GRM4: variants seen among roughly 807,000 people sequenced by gnomAD.
The protein encoded by GRM4 is metabotropic glutamate receptor 4.
In GRM4, 28 loss-of-function variants were observed where a neutral mutation model predicts 81.7. That is an observed-to-expected ratio of 0.34 (90% CI 0.25 to 0.47). GRM4 has a LOEUF of 0.47. Among genes scored for constraint, GRM4 ranks in the 20% least tolerant of loss-of-function variants. The probability of loss-of-function intolerance (pLI) is 1.00; values close to 1 mark genes in which losing one functional copy is unlikely to be tolerated. For missense variants in GRM4, 948 were observed against 1,290.0 expected, an observed-to-expected ratio of 0.73 and a Z score of 4.06; for synonymous variants, 488 against 528.8, an observed-to-expected ratio of 0.92 and a Z score of 1.06.
chr6:34,054,159 C>CTTTTTTTT (rs34586228), intron 6 of GRM4: 1 of 135,954 alleles, frequency 7.4e-6, no homozygotes, highest in Admixed American at 7.4e-5. Context: ...GCTCTGTGCT[C>CTTTTTTTT]TTTTTTTTTT....
chr6:34,143,089 A>C (rs982690208), intron 1 of GRM4, among the ~76,000 whole-genome samples: 3 of 152,178 alleles, frequency 2.0e-5, no homozygotes, highest in Non-Finnish European at 4.4e-5. Flanking sequence ...TAGTCCCTGA[A>C]GTGGCTAAGG....
At chr6:34,075,862 G>A (rs1767285146) in intron 3 of GRM4, among the ~76,000 whole-genome samples, 2 of 152,152 alleles carry the variant, frequency 1.3e-5, no homozygotes, top group African/African-American at 4.8e-5. Flanking sequence ...TAACCACCCC[G>A]TTTCCATGCT....
At position 34,036,665 on chromosome 6, in the gene GRM4, C is replaced by T; in HGVS notation, c.1507-62G>A. ...ATGCCACCCGGTGCCCCGGACCATC[C>T]TACTGGGTGGTGGCACCTTGTAGCC... is the stretch of plus-strand genomic sequence containing the variant. On this transcript the variant is annotated intron_variant, in intron 8 of 10. Transcript: ENST00000538487. The surrounding 1 kb of genome is among the most constrained non-coding windows in gnomAD (Gnocchi z 9.0). 1 of 940,526 alleles carries T rather than the reference C, an allele frequency of 1.1e-6. No homozygotes were observed. Among genetic ancestry groups the T allele is most frequent in the East Asian group, 2.5e-5 (1 of 40,710 alleles). 58.3% of individuals were successfully genotyped at this position (940,526 alleles called of 1,614,324 possible).
upstream of GRM4, among the ~76,000 whole-genome samples, chr6:34,149,311 C>T (rs1214339414): frequency 6.6e-6 from 1 of 152,230 alleles, no homozygotes; most frequent in Non-Finnish European, 1.5e-5. Context: ...GCCATCACCT[C>T]AGCCTCTGTG....
At chr6:34,148,489 G>A (rs976440738), upstream of GRM4, among the ~76,000 whole-genome samples, 11 of 152,130 alleles carry the variant, frequency 7.2e-5, no homozygotes, top group African/African-American at 2.7e-4. Flanking sequence ...CTGCCCTGGG[G>A]GAGCTAGGGG....
rs1192638927 is a variant in GRM4, at chr6:34,133,258, T to G, written c.239A>C (p.Glu80Ala). The G allele has an allele frequency of 6.2e-7, 1 of 1,614,194 alleles. No individual in the cohort carries two copies. Among genetic ancestry groups the G allele is most frequent in the Admixed American group, 1.7e-5 (1 of 60,030 alleles). The change falls in exon 2 of 11, where the codon GAG becomes GCG. Residue 80 changes from glutamate to alanine, a missense_variant. Transcript: ENST00000538487. The surrounding 1 kb of genome is among the most constrained non-coding windows in gnomAD (Gnocchi z 6.5). ...GCGATCCAGGGCGAACAGCATGGCC[T>G]CCAGCCGGTGGATGCCCTTTTCCTT... is the stretch of plus-strand genomic sequence containing the variant. ...LKKEKGIHRL[E>A]AMLFALDRIN... is the part of the protein sequence containing the mutation.
In GRM4 at chr6:34,034,053, C is replaced by G. The variant is rs1468225454; in HGVS notation, c.2442+1615G>C. Among the ~76,000 whole-genome samples, 1 of 152,192 alleles carries G rather than the reference C, an allele frequency of 6.6e-6. No individual in the cohort carries two copies. Among genetic ancestry groups the G allele is most frequent in the Non-Finnish European group, 1.5e-5 (1 of 68,028 alleles). On this transcript the variant is annotated intron_variant, in intron 9 of 10. Transcript: ENST00000538487. The surrounding 1 kb of genome is among the most constrained non-coding windows in gnomAD (Gnocchi z 4.0). Reference sequence around the variant, plus strand: ...CACACCCAGCCTTGGGCTCACAGCTCTAGATGCCAGGCTCAGGCTGACAAC... The same window carrying G: ...CACACCCAGCCTTGGGCTCACAGCTGTAGATGCCAGGCTCAGGCTGACAAC...
chr6:34,128,657 C>T (rs994687201), intron 2 of GRM4, among the ~76,000 whole-genome samples: 1 of 152,060 alleles, frequency 6.6e-6, no homozygotes, highest in African/African-American at 2.4e-5. Context: ...GGATTACAGG[C>T]GTGAGCCACC....
intron 9 of GRM4, among the ~76,000 whole-genome samples, chr6:34,029,142 C>T (rs755738050): frequency 1.3e-5 from 2 of 152,228 alleles, no homozygotes; most frequent in Admixed American, 6.5e-5. Flanking sequence ...TTCGGGTCCT[C>T]CAGGCCTCAG....
At chr6:34,088,220 T>C (rs1768014627) in intron 3 of GRM4, among the ~76,000 whole-genome samples, 1 of 152,102 alleles carries the variant, frequency 6.6e-6, no homozygotes, top group African/African-American at 2.4e-5. Context: ...CCTCCCAGGT[T>C]CAAGCGATTC....
chr6:34,132,888 G>A, intron 2 of GRM4, 90 bp downstream of exon 2: 2 of 1,055,662 alleles, frequency 1.9e-6, no homozygotes, highest in Non-Finnish European at 2.8e-6. Flanking sequence ...GAGGAAAAAG[G>A]GGCTGGTCGG....
intron 2 of GRM4, among the ~76,000 whole-genome samples, chr6:34,106,180 C>G (rs556227720): frequency 1.8e-3 from 269 of 152,054 alleles, no homozygotes; most frequent in Non-Finnish European, 2.0e-3. Flanking sequence ...TTTGGGAGGC[C>G]GAGGCAGGTG....
intron 9 of GRM4, 39 bp from the exon 10 acceptor site, chr6:34,028,405 C>T (rs771898424): frequency 1.3e-6 from 2 of 1,584,808 alleles, no homozygotes. Flanking sequence ...AGGCTCTGCC[C>T]CGACTGAGGG....
chr6:34,036,456 C>T lies in GRM4; in HGVS notation c.1654G>A (p.Val552Met). 1.2e-6 allele frequency: 2 copies of T among 1,613,648 alleles called. No homozygotes were observed. The highest frequency in any genetic ancestry group is 1.7e-6 in the Non-Finnish European group (2 of 1,179,934). ...CEPCTGYQYQ[V>M]DRYTCKTCPY... Reference sequence around the variant, plus strand: ...CACGTCTTACAGGTGTAGCGGTCCACCTGGTACTGGTACCCTGTGCAAGGC... The same window carrying T: ...CACGTCTTACAGGTGTAGCGGTCCATCTGGTACTGGTACCCTGTGCAAGGC... Residue 552 changes from valine (V) to methionine (M), a missense_variant, in exon 9 of 11, where the codon GTG becomes ATG. Transcript: ENST00000538487. This position sits in a 1 kb window ranked among gnomAD's most constrained non-coding sequence, Gnocchi z 9.0.
chr6:34,082,292 T>C (rs776889975), intron 3 of GRM4, among the ~76,000 whole-genome samples: 6 of 152,118 alleles, frequency 3.9e-5, no homozygotes, highest in Non-Finnish European at 7.4e-5. Context: ...AATAAATAAA[T>C]AAACAGAGGC....
chr6:34,056,497 C>G (rs534887090), intron 6 of GRM4, 47 bp downstream of exon 6: 1 of 1,553,932 alleles, frequency 6.4e-7, no homozygotes, highest in Non-Finnish European at 8.8e-7. Context: ...CGGCCCTCCC[C>G]GGCTCCTCCT....
At chr6:34,079,626 T>C (rs1429360259) in intron 3 of GRM4, among the ~76,000 whole-genome samples, 4 of 152,122 alleles carry the variant, frequency 2.6e-5, no homozygotes, top group Non-Finnish European at 5.9e-5. Flanking sequence ...AAGGAGCCCT[T>C]GGTTGGGCTG....
At chr6:34,076,219 C>T (rs1222746460) in intron 3 of GRM4, among the ~76,000 whole-genome samples, 3 of 152,258 alleles carry the variant, frequency 2.0e-5, no homozygotes, top group Non-Finnish European at 4.4e-5. Flanking sequence ...ATGTAATTAC[C>T]CAGGCAGGCC....
At chr6:34,149,317 C>G (rs1469884969), upstream of GRM4, among the ~76,000 whole-genome samples, 1 of 152,220 alleles carries the variant, frequency 6.6e-6, no homozygotes, top group East Asian at 1.9e-4. Flanking sequence ...ACCTCAGCCT[C>G]TGTGTCTGAT....
Sources: allele counts gnomAD v4.1 joint callset (sites outside exome capture counted in the v4.1 genomes callset), GRCh38; gene constraint gnomAD v4.1.1; non-coding constraint Gnocchi (gnomAD v3.1); transcripts MANE v1.5; gene names NCBI Gene and HGNC (gene_info 2026-07-23, HGNC 2026-07-21).